Variants in CRLF1 observed in about 807,000 individuals in gnomAD.
CRLF1 encodes cytokine receptor-like factor 1.
In CRLF1, 36 loss-of-function variants were observed where a neutral mutation model predicts 48.9. The ratio of observed to expected loss-of-function variants is 0.74; its 90% CI spans 0.56 to 0.97. CRLF1 has a LOEUF of 0.97. CRLF1 is among the 50% of genes least tolerant of loss of function. The probability of loss-of-function intolerance (pLI) is 0.00; values close to 1 mark genes in which losing one functional copy is unlikely to be tolerated. For missense variants in CRLF1, 534 were observed against 575.1 expected, an observed-to-expected ratio of 0.93 and a Z score of 0.73; for synonymous variants, 256 against 253.4, an observed-to-expected ratio of 1.01 and a Z score of -0.10.
Position 18,594,429 on chromosome 19 carries a change from G to A in CRLF1, c.1030C>T (p.Pro344Ser). Residue 344 changes from proline to serine, a missense_variant, in exon 7 of 9, where the codon CCG becomes TCG. By Grantham distance (74) the Pro-to-Ser change is moderately conservative. Coordinates refer to ENST00000392386, the MANE Select transcript of CRLF1 (RefSeq NM_004750.5). ...TAASTPRSER[P>S]GPGGGACEPR... Reference sequence around the variant, plus strand: ...TCGCACGCCCCGCCGCCCGGGCCCGGGCGCTCTGGTGGTGGGCGGAGCGGC... The same window carrying A: ...TCGCACGCCCCGCCGCCCGGGCCCGAGCGCTCTGGTGGTGGGCGGAGCGGC... 1 of 1,484,308 alleles carries A rather than the reference G, an allele frequency of 6.7e-7. No individual in the cohort carries two copies. 91.9% of individuals were successfully genotyped at this position (1,484,308 alleles called of 1,614,324 possible).
In CRLF1 at chr19:18,593,411, G is replaced by C; in HGVS notation, c.*155C>G. 9.5e-7 allele frequency: 1 copy of C among 1,053,314 alleles called. No individual in the cohort carries two copies. Among genetic ancestry groups the C allele is most frequent in the South Asian group, 1.5e-5 (1 of 65,036 alleles). The allele number at this position is 1,053,314 out of a possible 1,614,324, so 65.2% of individuals were successfully genotyped here. On this transcript the variant is annotated 3_prime_UTR_variant, in exon 9 of 9. Coordinates refer to ENST00000392386, the MANE Select transcript of CRLF1 (RefSeq NM_004750.5). ...CACCCAAAGGTGGCCTCACGTGGGA[G>C]TCAGAGCTGTTATGGCCGTTGGAGC...
chr19:18,601,317 C>T (rs1264409056), intron 1 of CRLF1, among the ~76,000 whole-genome samples: 1 of 150,748 alleles, frequency 6.6e-6, no homozygotes, highest in South Asian at 2.1e-4. Context: ...GCTCTTGTTG[C>T]CCAGGCTGGA....
intron 6 of CRLF1, among the ~76,000 whole-genome samples, chr19:18,595,286 G>T (rs1261554134): frequency 6.6e-6 from 1 of 152,200 alleles, no homozygotes; most frequent in African/African-American, 2.4e-5. Flanking sequence ...CGCAGGTGCC[G>T]GGCACGAGCA....
intron 1 of CRLF1, among the ~76,000 whole-genome samples, chr19:18,604,282 A>G (rs1262517297): frequency 1.3e-5 from 2 of 152,050 alleles, no homozygotes; most frequent in Non-Finnish European, 2.9e-5. Flanking sequence ...CCGGGCGGCG[A>G]CGGGTTGTAG....
In CRLF1 at chr19:18,593,455, CCTG is replaced by C; in HGVS notation, c.*108_*110del. 6.7e-7 allele frequency: 1 copy of C among 1,496,192 alleles called. No homozygotes were observed. Among genetic ancestry groups the C allele is most frequent in the East Asian group, 2.4e-5 (1 of 41,726 alleles). 92.7% of individuals were successfully genotyped at this position (1,496,192 alleles called of 1,614,324 possible). A position where few individuals can be genotyped will look rare whatever the true frequency, so the allele number is the denominator to read the frequency against. ...TTGGAGCTCAGGGGCCACCCCAGCT[CCTG>C]CTGAGGGTGGCTCAGGTGCCCTGAA... On this transcript the variant is annotated 3_prime_UTR_variant, in exon 9 of 9. Transcript: ENST00000392386.
At chr19:18,597,597 ATTGT>A (rs1347942084) in intron 4 of CRLF1, among the ~76,000 whole-genome samples, 3 of 151,632 alleles carry the variant, frequency 2.0e-5, no homozygotes, top group South Asian at 2.1e-4. Context: ...GCCCGGCTAA[ATTGT>A]TTGTATTTTT....
chr19:18,603,486 G>A (rs1341133764), intron 1 of CRLF1, among the ~76,000 whole-genome samples: 1 of 152,236 alleles, frequency 6.6e-6, no homozygotes, highest in East Asian at 1.9e-4. Context: ...CTGCAGGGAG[G>A]AGGGATTCCA....
At chr19:18,601,543 G>A (rs988940016) in intron 1 of CRLF1, among the ~76,000 whole-genome samples, 1 of 152,126 alleles carries the variant, frequency 6.6e-6, no homozygotes, top group Non-Finnish European at 1.5e-5. Flanking sequence ...CCAAAGTGCT[G>A]GGATTACAGG....
intron 1 of CRLF1, among the ~76,000 whole-genome samples, chr19:18,605,087 T>G (rs1457613463): frequency 6.6e-6 from 1 of 151,960 alleles, no homozygotes; most frequent in African/African-American, 2.4e-5. Context: ...TGCCGAGGTG[T>G]GAGAATCTTT....
At chr19:18,603,032 C>G (rs1393711476) in intron 1 of CRLF1, among the ~76,000 whole-genome samples, 1 of 152,192 alleles carries the variant, frequency 6.6e-6, no homozygotes, top group Admixed American at 6.5e-5. Flanking sequence ...CTTCTTTGAG[C>G]CTCTGGAAAG....
At chr19:18,597,551 T>C (rs1159026217) in intron 4 of CRLF1, among the ~76,000 whole-genome samples, 3 of 148,756 alleles carry the variant, frequency 2.0e-5, no homozygotes, top group African/African-American at 7.5e-5. Context: ...TGCCTCAGCC[T>C]CCCAAGTAGC....
intron 4 of CRLF1, among the ~76,000 whole-genome samples, chr19:18,597,492 G>C (rs1415188231): frequency 5.1e-5 from 7 of 136,458 alleles, no homozygotes; most frequent in East Asian, 2.1e-4. Context: ...TGCAGTGGCG[G>C]GATCTCGGCT....
chr19:18,593,439 AG>A lies in CRLF1; in HGVS notation c.*126del. 2.2e-6 allele frequency: 3 copies of A among 1,380,424 alleles called. No individual in the cohort carries two copies. Among genetic ancestry groups the A allele is most frequent in the Non-Finnish European group, 3.0e-6 (3 of 1,002,076 alleles). The allele number at this position is 1,380,424 out of a possible 1,614,324, so 85.5% of individuals were successfully genotyped here. On this transcript the variant is annotated 3_prime_UTR_variant, in exon 9 of 9. Transcript: ENST00000392386. ...AGAGCTGTTATGGCCGTTGGAGCTC[AG>A]GGGCCACCCCAGCTCCTGCTGAGGG... is the stretch of plus-strand genomic sequence containing the variant.
chr19:18,603,905 T>TGGGGGCC (rs1976253598), intron 1 of CRLF1, among the ~76,000 whole-genome samples: 1 of 10,416 alleles, frequency 9.6e-5, no homozygotes, highest in Non-Finnish European at 2.2e-4. Flanking sequence ...GGCGGGGGGC[T>TGGGGGCC]GGGGGCCAGG....
At chr19:18,605,032 C>T (rs1203911307) in intron 1 of CRLF1, among the ~76,000 whole-genome samples, 1 of 152,178 alleles carries the variant, frequency 6.6e-6, no homozygotes, top group Non-Finnish European at 1.5e-5. Context: ...ACGACCCACC[C>T]GCCTGCTGGT....
chr19:18,596,768 T>C lies in CRLF1; in HGVS notation c.878A>G (p.Gln293Arg). 6.2e-7 allele frequency: 1 copy of C among 1,613,750 alleles called. No individual in the cohort carries two copies. The highest frequency in any genetic ancestry group is 8.5e-7 in the Non-Finnish European group (1 of 1,179,932). Residue 293 changes from glutamine to arginine, a missense_variant, in exon 6 of 9, where the codon CAG becomes CGG. By Grantham distance (43) the Gln-to-Arg change is conservative. Around this residue, in one of 2 missense-constraint regions of CRLF1, gnomAD observed 528 missense variants for 555.7 expected, o/e 0.95. Coordinates refer to ENST00000392386, the MANE Select transcript of CRLF1 (RefSeq NM_004750.5). ...DWKVVDDVSN[Q>R]TSCRLAGLKP... The stretch of plus-strand genomic sequence containing the variant: ...CAGGCCGGCCAGGCGGCAGGAGGTC[T>C]GGTTGCTCACATCGTCCACCACCTG...
chr19:18,605,323 A>T (rs539315107), intron 1 of CRLF1, among the ~76,000 whole-genome samples: 1 of 152,116 alleles, frequency 6.6e-6, no homozygotes, highest in Non-Finnish European at 1.5e-5. Context: ...AAGTGCCCCT[A>T]GAAGATGCCC....
Position 18,594,432 on chromosome 19 carries a change from G to T in CRLF1, c.1027C>A (p.Arg343Ser). The T allele has an allele frequency of 6.8e-7, 1 of 1,463,244 alleles. No homozygotes were observed. Among genetic ancestry groups the T allele is most frequent in the Non-Finnish European group, 9.0e-7 (1 of 1,108,128 alleles). The allele number at this position is 1,463,244 out of a possible 1,614,324, so 90.6% of individuals were successfully genotyped here. ...PTAASTPRSERPGPGGGACEP... is the reference protein window; with the variant it reads ...PTAASTPRSESPGPGGGACEP... The stretch of plus-strand genomic sequence containing the variant: ...CACGCCCCGCCGCCCGGGCCCGGGC[G>T]CTCTGGTGGTGGGCGGAGCGGCAGT... Residue 343 changes from arginine (R) to serine (S), a missense_variant and splice_region_variant, in exon 7 of 9, where the codon CGC (arginine) becomes AGC (serine). By Grantham distance (110) the Arg-to-Ser change is moderately radical. Around this residue, in one of 2 missense-constraint regions of CRLF1, gnomAD observed 528 missense variants for 555.7 expected, o/e 0.95. Coordinates refer to ENST00000392386, the MANE Select transcript of CRLF1 (RefSeq NM_004750.5).
In CRLF1 at chr19:18,599,866, C is replaced by A; in HGVS notation, c.116-20G>T. 1 of 1,504,732 alleles carries A rather than the reference C, an allele frequency of 6.6e-7. No homozygotes were observed. The highest frequency in any genetic ancestry group is 1.4e-5 in the South Asian group (1 of 73,136). The allele number at this position is 1,504,732 out of a possible 1,614,324, so 93.2% of individuals were successfully genotyped here. ...CTGTGTCTGGGGTCAAAGAGGAACA[C>A]GTGTCAGGCCAGGGCGGGGACCCTC... On this transcript the variant is annotated intron_variant, in intron 1 of 8. Transcript: ENST00000392386.
Sources: gnomAD v4.1 joint callset for allele counts (sites outside exome capture counted in the v4.1 genomes callset) on GRCh38, gnomAD v4.1.1 for gene constraint, gnomAD v4.1.1 regional missense constraint, MANE v1.5 for transcripts, NCBI Gene and HGNC (gene_info 2026-07-23, HGNC 2026-07-21) for gene names.